Variants in TMEM260 observed in about 807,000 individuals in gnomAD.
The protein encoded by TMEM260 is protein O-mannosyl-transferase TMEM260.
Under a neutral mutation model 88.9 loss-of-function variants are expected in TMEM260, and 82 were observed. The observed-to-expected ratio is 0.92, with a 90% CI of 0.77 to 1.11. The LOEUF (loss-of-function observed/expected upper bound fraction) is 1.11. Ranked by LOEUF, TMEM260 falls within the 50% of genes least tolerant of loss-of-function variation. TMEM260 has a pLI of 0.00. For synonymous variants in TMEM260, 314 were observed against 309.3 expected, an observed-to-expected ratio of 1.02 and a Z score of -0.16; for missense variants, 902 against 853.4, an observed-to-expected ratio of 1.06 and a Z score of -0.71.
At chr14:56,580,903 G>T (rs1160840544) in intron 1 of TMEM260, among the ~76,000 whole-genome samples, 1 of 152,194 alleles carries the variant, frequency 6.6e-6, no homozygotes, top group Non-Finnish European at 1.5e-5. Context: ...TTTGCTGCAT[G>T]ACTAGTGATC....
At chr14:56,639,737 A>T (rs1482769172) in intron 15 of TMEM260, among the ~76,000 whole-genome samples, 1 of 152,178 alleles carries the variant, frequency 6.6e-6, no homozygotes. Flanking sequence ...TTCCTAGTCA[A>T]AGAAAGGGGT....
At chr14:56,651,493 T>G (rs1466275889), downstream of TMEM260, among the ~76,000 whole-genome samples, 1 of 152,224 alleles carries the variant, frequency 6.6e-6, no homozygotes, top group African/African-American at 2.4e-5. Flanking sequence ...AAGCCAACAA[T>G]TATTGGCCTG....
At chr14:56,632,814 A>G (rs1888717870) in intron 12 of TMEM260, among the ~76,000 whole-genome samples, 181 bp from the exon 13 acceptor site, 1 of 152,220 alleles carries the variant, frequency 6.6e-6, no homozygotes, top group African/African-American at 2.4e-5. Context: ...TCTGAAAGAT[A>G]GTTGCCATAC....
chr14:56,620,418 A>G (rs571709626), intron 10 of TMEM260, among the ~76,000 whole-genome samples: 4 of 152,228 alleles, frequency 2.6e-5, no homozygotes, highest in Non-Finnish European at 5.9e-5. Context: ...CGCTAGCTCA[A>G]GAAGGTGCAC....
downstream of TMEM260, among the ~76,000 whole-genome samples, chr14:56,654,968 G>T (rs144720839): frequency 9.2e-5 from 14 of 152,088 alleles, no homozygotes; most frequent in Non-Finnish European, 1.9e-4. Context: ...TGGTTTATAT[G>T]TATGATTTGT....
At chr14:56,606,897 A>G (rs1181159326) in intron 5 of TMEM260, among the ~76,000 whole-genome samples, 1 of 152,194 alleles carries the variant, frequency 6.6e-6, no homozygotes, top group South Asian at 2.1e-4. Flanking sequence ...TCCGTCTCCA[A>G]AAAAATAAAT....
intron 1 of TMEM260, 106 bp from the exon 2 acceptor site, chr14:56,584,895 C>A: frequency 1.2e-6 from 1 of 830,566 alleles, no homozygotes. Flanking sequence ...CAGTTTTATC[C>A]AGTCAAATTA....
chr14:56,623,415 G>C (rs1270893467), intron 11 of TMEM260, among the ~76,000 whole-genome samples: 1 of 151,964 alleles, frequency 6.6e-6, no homozygotes. Flanking sequence ...CTATTTATTG[G>C]AAATAACATG....
intron 6 of TMEM260, among the ~76,000 whole-genome samples, chr14:56,611,005 C>T (rs1327327820): frequency 1.3e-4 from 18 of 140,324 alleles, no homozygotes; most frequent in Admixed American, 3.7e-4. Flanking sequence ...CTCACTCTAT[C>T]ACCCAGGCTG....
intron 15 of TMEM260, among the ~76,000 whole-genome samples, chr14:56,638,743 TATCCTA>T (rs1889325471): frequency 6.6e-6 from 1 of 152,198 alleles, no homozygotes; most frequent in Non-Finnish European, 1.5e-5. Context: ...CTGTTTATAT[TATCCTA>T]CTCAATAGCT....
intron 3 of TMEM260, among the ~76,000 whole-genome samples, chr14:56,588,872 TTTTC>T (rs1315577502): frequency 1.3e-5 from 2 of 151,986 alleles, no homozygotes; most frequent in Non-Finnish European, 1.5e-5. Context: ...GGAACTGGGG[TTTTC>T]TTTTTTAAGG....
At chr14:56,644,586 G>A (rs1210662635) in intron 15 of TMEM260, among the ~76,000 whole-genome samples, 3 of 152,124 alleles carry the variant, frequency 2.0e-5, no homozygotes, top group South Asian at 2.1e-4. Context: ...CAGGACATAG[G>A]CATGGGCAAG....
At chr14:56,618,855 G>C (rs1011661179) in intron 10 of TMEM260, 92 bp downstream of exon 10, 1 of 1,282,718 alleles carries the variant, frequency 7.8e-7, no homozygotes, top group African/African-American at 1.5e-5. Context: ...GTTAACTTCT[G>C]GTTTTCAAGA....
intron 15 of TMEM260, among the ~76,000 whole-genome samples, chr14:56,637,474 T>G (rs1594889683): frequency 6.6e-6 from 1 of 152,212 alleles, no homozygotes; most frequent in Admixed American, 6.5e-5. Context: ...TGGGAGCAGA[T>G]ACAAGAGGCT....
chr14:56,608,954 G>T (rs1887080162), intron 5 of TMEM260, 152 bp from the exon 6 acceptor site: 3 of 812,332 alleles, frequency 3.7e-6, no homozygotes, highest in Admixed American at 4.9e-5. Flanking sequence ...GTAATCAGAA[G>T]GTTTAACATA....
At chr14:56,659,150 T>C in the TMEM260 span, among the ~76,000 whole-genome samples, 1 of 152,168 alleles carries the variant, frequency 6.6e-6, no homozygotes, top group Non-Finnish European at 1.5e-5. Context: ...GATATTAAGG[T>C]GAGTGAAGTT....
At chr14:56,629,485 A>G (rs1282957078) in intron 12 of TMEM260, among the ~76,000 whole-genome samples, 5 of 152,074 alleles carry the variant, frequency 3.3e-5, no homozygotes, top group Non-Finnish European at 5.9e-5. Flanking sequence ...TAAGAGAAAA[A>G]AATATTCTAC....
rs374080534 is a variant in TMEM260, at chr14:56,585,147, A to G, written c.192+115A>G. ...AATTTATTTTCAAACCCCCGTTTTT[A>G]GTAACTTATAAGTACAGTACGTGAC... On this transcript the variant is annotated intron_variant, in intron 2 of 15. Transcript: ENST00000261556. 1.2e-4 allele frequency: 109 copies of G among 926,818 alleles called. No homozygotes were observed. The African/African-American group carries it at 1.4e-3, about 12-fold the overall frequency. The allele number at this position is 926,818 out of a possible 1,614,324, so 57.4% of individuals were successfully genotyped here.
chr14:56,655,311 A>G (rs148526191), downstream of TMEM260, among the ~76,000 whole-genome samples: 505 of 150,056 alleles, frequency 3.4e-3, 1 homozygote, highest in African/African-American at 0.012. Context: ...AATTGCTTAA[A>G]CCCGGGAGGC....
Sources: allele counts gnomAD v4.1 joint callset (sites outside exome capture counted in the v4.1 genomes callset), GRCh38; gene constraint gnomAD v4.1.1; transcripts MANE v1.5; gene names NCBI Gene and HGNC (gene_info 2026-07-23, HGNC 2026-07-21).